Variants in RNF145 observed in about 807,000 individuals in gnomAD.
The protein encoded by RNF145 is ring finger protein 145.
In RNF145, 12 loss-of-function variants were observed where a neutral mutation model predicts 57.3. The observed-to-expected ratio is 0.21, with a 90% CI of 0.13 to 0.34. The LOEUF is 0.34. Among genes scored for constraint, RNF145 ranks in the 10% least tolerant of loss-of-function variants. The pLI, the probability that RNF145 is intolerant of heterozygous loss-of-function variation, is 1.00. For synonymous variants in RNF145, 262 were observed against 288.3 expected, an observed-to-expected ratio of 0.91 and a Z score of 0.92; for missense variants, 429 against 799.0, an observed-to-expected ratio of 0.54 and a Z score of 5.58.
chr5:159,193,242 G>A (rs1380638909), intron 3 of RNF145, among the ~76,000 whole-genome samples: 4 of 152,172 alleles, frequency 2.6e-5, no homozygotes. Flanking sequence ...ACATTGTGAG[G>A]ATTGCAAGAA....
upstream of RNF145, chr5:159,209,972 G>T: frequency 6.9e-7 from 1 of 1,445,806 alleles, no homozygotes; most frequent in Non-Finnish European, 9.4e-7. Flanking sequence ...TAAACTCCTT[G>T]GCGTCTGGGA....
chr5:159,183,067 A>T (rs1784947395), intron 3 of RNF145, among the ~76,000 whole-genome samples: 1 of 152,210 alleles, frequency 6.6e-6, no homozygotes, highest in Admixed American at 6.5e-5. Flanking sequence ...GCAAAAAAGA[A>T]TCAAAACTTA....
intron 6 of RNF145, among the ~76,000 whole-genome samples, chr5:159,170,470 G>C (rs1248327025): frequency 6.6e-6 from 1 of 152,136 alleles, no homozygotes; most frequent in South Asian, 2.1e-4. Flanking sequence ...ATAACTGGAA[G>C]ACATTACACT....
intron 2 of RNF145, among the ~76,000 whole-genome samples, chr5:159,198,789 A>T (rs889736065): frequency 6.6e-6 from 1 of 152,154 alleles, no homozygotes; most frequent in African/African-American, 2.4e-5. Flanking sequence ...TTGGAGGCTG[A>T]GGCAGGAGGA....
chr5:159,185,288 A>G (rs1457653791), intron 3 of RNF145, among the ~76,000 whole-genome samples: 1 of 152,192 alleles, frequency 6.6e-6, no homozygotes, highest in Non-Finnish European at 1.5e-5. Context: ...TCAAGGCAGT[A>G]GTTTTGGTGA....
intron 3 of RNF145, among the ~76,000 whole-genome samples, chr5:159,188,215 T>A (rs140927281): frequency 6.8e-6 from 1 of 146,040 alleles, no homozygotes; most frequent in African/African-American, 2.5e-5. Flanking sequence ...ACCCCATCTC[T>A]ACTAAAAAAA....
intron 5 of RNF145, among the ~76,000 whole-genome samples, chr5:159,175,407 T>C (rs575886457): frequency 6.6e-6 from 1 of 152,278 alleles, no homozygotes; most frequent in South Asian, 2.1e-4. Context: ...TGTATGAATC[T>C]TATGGCAACC....
intron 9 of RNF145, among the ~76,000 whole-genome samples, chr5:159,162,680 C>T (rs561662525): frequency 8.8e-4 from 133 of 151,374 alleles, no homozygotes; most frequent in African/African-American, 3.0e-3. Context: ...ATGATCCACC[C>T]GCCTCGGCCT....
At chr5:159,200,325 T>A (rs913671108) in intron 2 of RNF145, among the ~76,000 whole-genome samples, 6 of 151,764 alleles carry the variant, frequency 4.0e-5, no homozygotes, top group African/African-American at 1.5e-4. Context: ...TAAAATATAA[T>A]CTAAACCCTC....
At chr5:159,176,048 T>C (rs757851622) in intron 5 of RNF145, among the ~76,000 whole-genome samples, 1 of 152,172 alleles carries the variant, frequency 6.6e-6, no homozygotes, top group African/African-American at 2.4e-5. Flanking sequence ...AAGCATGTTA[T>C]GTTGGCAAAG....
upstream of RNF145, chr5:159,209,748 T>G: frequency 8.3e-7 from 1 of 1,207,796 alleles, no homozygotes; most frequent in Non-Finnish European, 1.2e-6. Context: ...TGGAGAGGCG[T>G]ACTGCAGAGA....
chr5:159,169,888 T>C lies in RNF145; in HGVS notation c.798-69A>G, dbSNP rs1784493174. 4 of 1,233,938 alleles carry C rather than the reference T, an allele frequency of 3.2e-6. No homozygotes were observed. The South Asian group carries it at 5.1e-5, about 16-fold the overall frequency. The allele number at this position is 1,233,938 out of a possible 1,614,324, so 76.4% of individuals were successfully genotyped here. ...TTGGAGTAAACACATTTGAGGCCTTTAAATAATCACCAAGCTTGATTTGAT... is the reference window on the plus strand; with the variant it reads ...TTGGAGTAAACACATTTGAGGCCTTCAAATAATCACCAAGCTTGATTTGAT... On this transcript the variant is annotated intron_variant, in intron 6 of 10. Transcript: ENST00000424310.
chr5:159,162,890 C>T, intron 9 of RNF145, 42 bp downstream of exon 9: 1 of 1,515,872 alleles, frequency 6.6e-7, no homozygotes, highest in Non-Finnish European at 8.9e-7. Flanking sequence ...GGAAAAATAA[C>T]AAAATTGGTT....
intron 1 of RNF145, chr5:159,207,924 A>C (rs1562081324): frequency 6.2e-7 from 1 of 1,610,178 alleles, no homozygotes; most frequent in South Asian, 1.1e-5. Flanking sequence ...TCACGACTGC[A>C]GCACCGACAG....
In RNF145 at chr5:159,161,482, C is replaced by T. The variant is rs1784212992; in HGVS notation, c.1410G>A (p.Val470=). Residue 470 remains valine, a synonymous_variant, in exon 10 of 11, where the codon GTG becomes GTA. Coordinates refer to ENST00000424310, the MANE Select transcript of RNF145 (RefSeq NM_001199383.2). ...LLEFLVALCV[V]AYGVSETIFG... The stretch of plus-strand genomic sequence containing the variant: ...AGATGGTCTCTGAGACGCCATAGGC[C>T]ACCACACAGAGGGCCACAAGAAACT... The T allele has an allele frequency of 6.2e-7, 1 of 1,613,938 alleles. No individual in the cohort carries two copies. The highest frequency in any genetic ancestry group is 1.3e-5 in the African/African-American group (1 of 74,900).
At chr5:159,193,415 A>C (rs1372340513) in intron 3 of RNF145, among the ~76,000 whole-genome samples, 1 of 152,224 alleles carries the variant, frequency 6.6e-6, no homozygotes, top group Non-Finnish European at 1.5e-5. Flanking sequence ...AAATGCAAGA[A>C]GAGTAAGCTT....
intron 3 of RNF145, among the ~76,000 whole-genome samples, chr5:159,190,601 G>GTTC (rs1324683122): frequency 5.4e-5 from 8 of 147,518 alleles, no homozygotes; most frequent in Non-Finnish European, 1.2e-4. Flanking sequence ...TGAGGTGGGA[G>GTTC]AAGTGCTTGA....
chr5:159,202,311 G>A (rs1785698037), intron 2 of RNF145, among the ~76,000 whole-genome samples: 1 of 152,152 alleles, frequency 6.6e-6, no homozygotes, highest in Non-Finnish European at 1.5e-5. Context: ...CAACTGACGG[G>A]AATTACTTTC....
intron 10 of RNF145, among the ~76,000 whole-genome samples, chr5:159,160,215 A>G (rs918943536): frequency 1.8e-4 from 28 of 152,158 alleles, no homozygotes; most frequent in African/African-American, 6.5e-4. Context: ...AATAAACACA[A>G]CTAAGAGAAT....
Sources: allele counts gnomAD v4.1 joint callset (sites outside exome capture counted in the v4.1 genomes callset), GRCh38; gene constraint gnomAD v4.1.1; transcripts MANE v1.5; gene names NCBI Gene and HGNC (gene_info 2026-07-23, HGNC 2026-07-21).